Variants in MEF2C observed in about 807,000 individuals in gnomAD.
MEF2C encodes the protein myocyte-specific enhancer factor 2C.
MEF2C carries 6 observed loss-of-function variants against 50.5 expected under a neutral mutation model. The observed-to-expected ratio is 0.12, with a 90% CI of 0.07 to 0.23. The LOEUF (loss-of-function observed/expected upper bound fraction) is 0.23. MEF2C is among the 10% of genes least tolerant of loss of function. The probability of loss-of-function intolerance (pLI) is 1.00; values close to 1 mark genes in which losing one functional copy is unlikely to be tolerated. For missense variants in MEF2C, 276 were observed against 605.0 expected, an observed-to-expected ratio of 0.46 and a Z score of 5.70; for synonymous variants, 183 against 228.0, an observed-to-expected ratio of 0.80 and a Z score of 1.78.
chr5:88,884,100 C>T (rs993363278), upstream of MEF2C, among the ~76,000 whole-genome samples: 1 of 152,214 alleles, frequency 6.6e-6, no homozygotes, highest in Non-Finnish European at 1.5e-5. Flanking sequence ...TCTCGCGGCG[C>T]CTCTGCGGAG....
chr5:88,800,069 A>T (rs1797745257), intron 3 of MEF2C, among the ~76,000 whole-genome samples: 1 of 152,138 alleles, frequency 6.6e-6, no homozygotes, highest in Non-Finnish European at 1.5e-5. Context: ...CCCCTTCCAC[A>T]CTTAATCACT....
intron 1 of MEF2C, among the ~76,000 whole-genome samples, chr5:88,845,013 G>C (rs1818792248): frequency 6.6e-6 from 1 of 152,162 alleles, no homozygotes; most frequent in Non-Finnish European, 1.5e-5. Flanking sequence ...TATGAAAATA[G>C]TTCACCTTGT....
chr5:88,888,743 C>T (rs1332594043), intron 1 of MEF2C: 1 of 147,528 alleles, frequency 6.8e-6, no homozygotes, highest in Non-Finnish European at 1.5e-5. Flanking sequence ...TTTTAAACGA[C>T]ACTACAAATT....
chr5:88,890,756 C>T (rs1834447411), intron 1 of MEF2C, among the ~76,000 whole-genome samples: 2 of 152,192 alleles, frequency 1.3e-5, no homozygotes, highest in African/African-American at 4.8e-5. Context: ...GTGTGAGAAG[C>T]TTTAAAGTCA....
intron 5 of MEF2C, 138 bp from the exon 6 acceptor site, chr5:88,749,255 G>A: frequency 8.1e-7 from 1 of 1,231,362 alleles, no homozygotes; most frequent in Admixed American, 3.7e-5. Flanking sequence ...TCAGATGGCT[G>A]ACATTTGTTT....
intron 3 of MEF2C, among the ~76,000 whole-genome samples, chr5:88,802,202 T>A (rs1798659574): frequency 2.0e-5 from 3 of 152,246 alleles, no homozygotes; most frequent in Non-Finnish European, 4.4e-5. Flanking sequence ...ATTGCTTTTT[T>A]AAAAATTATA....
At chr5:88,892,846 G>A (rs886639533) in intron 1 of MEF2C, among the ~76,000 whole-genome samples, 2 of 152,240 alleles carry the variant, frequency 1.3e-5, no homozygotes, top group East Asian at 3.9e-4. Flanking sequence ...GTCAGAGTCC[G>A]CTCAGATTGT....
At chr5:88,781,315 A>G (rs1011416008) in intron 3 of MEF2C, among the ~76,000 whole-genome samples, 9 of 152,252 alleles carry the variant, frequency 5.9e-5, no homozygotes, top group African/African-American at 2.2e-4. Context: ...CATATGCAAA[A>G]AGGAACAGCA....
upstream of MEF2C, among the ~76,000 whole-genome samples, chr5:88,884,894 C>T (rs1833899572): frequency 1.3e-5 from 2 of 150,942 alleles, no homozygotes; most frequent in Non-Finnish European, 2.9e-5. Flanking sequence ...CCCAATAAAG[C>T]CAAAGATAAA....
chr5:88,854,396 C>T (rs1581607545), intron 1 of MEF2C, among the ~76,000 whole-genome samples: 3 of 152,118 alleles, frequency 2.0e-5, no homozygotes, highest in African/African-American at 4.8e-5. Flanking sequence ...AAAGAGCCTA[C>T]ATTTTATCAA....
At position 88,747,351 on chromosome 5, in the gene MEF2C, T is replaced by C. The variant is rs1166119017; in HGVS notation, c.637+1719A>G. ...TTTACTACTTTTTTTTTTTTTTTTT[T>C]TTTTTTTTTTTTTTTGAGACGGAGT... On this transcript the variant is annotated intron_variant, in intron 6 of 10. Coordinates refer to ENST00000504921, the MANE Select transcript of MEF2C (RefSeq NM_002397.5). 3.6e-3 allele frequency among the ~76,000 whole-genome samples: 63 copies of C among 17,590 alleles called. 1 individual carries two copies. The highest frequency in any genetic ancestry group is 4.7e-3 in the Non-Finnish European group (20 of 4,300). The allele number at this position is 17,590 out of a possible 152,430, so 11.5% of individuals were successfully genotyped here.
chr5:88,734,566 T>C (rs946727531), intron 6 of MEF2C: 1 of 242,410 alleles, frequency 4.1e-6, no homozygotes, highest in South Asian at 1.6e-4. Context: ...GAAAAGTTTG[T>C]TTTTTTTTTT....
At chr5:88,822,237 A>G (rs896648457) in intron 2 of MEF2C, among the ~76,000 whole-genome samples, 1 of 151,994 alleles carries the variant, frequency 6.6e-6, no homozygotes, top group Non-Finnish European at 1.5e-5. Flanking sequence ...GCTAATTCAT[A>G]TGTTTTTGAC....
At chr5:88,875,780 G>A (rs1190122831) in intron 1 of MEF2C, among the ~76,000 whole-genome samples, 1 of 151,846 alleles carries the variant, frequency 6.6e-6, no homozygotes, top group Non-Finnish European at 1.5e-5. Context: ...CCTATGTAGG[G>A]GGAAATAAAG....
At chr5:88,749,035 A>T (rs879876915) in intron 6 of MEF2C, 35 bp downstream of exon 6, 1 of 1,558,358 alleles carries the variant, frequency 6.4e-7, no homozygotes. Flanking sequence ...AACTCAGAAC[A>T]ATGATACATA....
rs57841792 is a variant in MEF2C, at chr5:88,777,899, CTTTTTTT to C, written c.259-16578_259-16572del. On this transcript the variant is annotated intron_variant, in intron 3 of 10. Transcript: ENST00000504921. ...AGAAAGGGTGCTAAATTTTTCTTTT[CTTTTTTT>C]TTTTTTTTTTTTTTTTGAGATGGAG... Among the ~76,000 whole-genome samples the C allele has an allele frequency of 7.8e-3, 600 of 77,304 alleles. 5 individuals carry two copies. The highest frequency in any genetic ancestry group is 0.031 in the African/African-American group (583 of 18,930). The allele number at this position is 77,304 out of a possible 152,430, so 50.7% of individuals were successfully genotyped here.
chr5:88,737,919 T>C, intron 6 of MEF2C: 2 of 985,340 alleles, frequency 2.0e-6, no homozygotes, highest in Non-Finnish European at 2.4e-6. Context: ...TTTATTAAAT[T>C]TGTGTTAGGA....
At chr5:88,817,856 C>T (rs998091072) in intron 2 of MEF2C, 1 of 151,892 alleles carries the variant, frequency 6.6e-6, no homozygotes, top group Non-Finnish European at 1.5e-5. Context: ...TACAAACATA[C>T]AAGTAAATAG....
upstream of MEF2C, among the ~76,000 whole-genome samples, chr5:88,887,093 AGATT>A (rs1834108972): frequency 6.6e-6 from 1 of 152,250 alleles, no homozygotes; most frequent in Admixed American, 6.5e-5. Flanking sequence ...GTACCCCTTA[AGATT>A]ATTCAACTGT....
Sources: gnomAD v4.1 joint callset for allele counts (sites outside exome capture counted in the v4.1 genomes callset) on GRCh38, gnomAD v4.1.1 for gene constraint, MANE v1.5 for transcripts, NCBI Gene and HGNC (gene_info 2026-07-23, HGNC 2026-07-21) for gene names.